Variants in LACC1 observed in about 807,000 individuals in gnomAD.
The protein encoded by LACC1 is purine nucleoside phosphorylase LACC1.
In LACC1, 25 loss-of-function variants were observed where a neutral mutation model predicts 34.8. The observed-to-expected ratio is 0.72, with a 90% CI of 0.52 to 1.00. LACC1 has a LOEUF of 1.00. Among genes scored for constraint, LACC1 ranks in the 50% least tolerant of loss-of-function variants. LACC1 has a pLI of 0.00. For synonymous variants in LACC1, 162 were observed against 168.0 expected (o/e 0.96, Z 0.28); for missense variants, 426 against 511.2 (o/e 0.83, Z 1.61).
At chr13:43,880,432 G>T (rs1174093268) in intron 1 of LACC1, among the ~76,000 whole-genome samples, 1 of 152,188 alleles carries the variant, frequency 6.6e-6, no homozygotes, top group African/African-American at 2.4e-5. Context: ...TAGCTTTTGT[G>T]GTCATTGCTA....
At chr13:43,886,061 T>C (rs1373428053) in intron 4 of LACC1, among the ~76,000 whole-genome samples, 2 of 152,116 alleles carry the variant, frequency 1.3e-5, no homozygotes, top group African/African-American at 4.8e-5. Flanking sequence ...GAGATACCAT[T>C]TCATACCAGT....
At position 43,883,951 on chromosome 13, in the gene LACC1, T is replaced by C. The variant is rs201759237; in HGVS notation, c.907+15T>C. 1 of 1,588,952 alleles carries C rather than the reference T, an allele frequency of 6.3e-7. No homozygotes were observed. Among genetic ancestry groups the C allele is most frequent in the South Asian group, 1.1e-5 (1 of 87,296 alleles). On this transcript the variant is annotated intron_variant, in intron 4 of 6. Coordinates refer to ENST00000325686, the MANE Select transcript of LACC1 (RefSeq NM_153218.4). ...TGCTCACGCTGGTAAGTATACTTAA[T>C]TAAACATTTAGAATTTTACTCATTT...
upstream of LACC1, chr13:43,879,788 C>CGAGGCGGGGT (rs1222062321): frequency 9.6e-6 from 1 of 104,244 alleles, no homozygotes; most frequent in African/African-American, 3.4e-5. Flanking sequence ...TGAGGCGGGG[C>CGAGGCGGGGT]GAGGCGGGGC....
At chr13:43,883,125 A>G (rs1281648064) in intron 3 of LACC1, among the ~76,000 whole-genome samples, 1 of 152,112 alleles carries the variant, frequency 6.6e-6, no homozygotes, top group Non-Finnish European at 1.5e-5. Context: ...TGGGTAATCA[A>G]TTTTTTTCAT....
In LACC1 at chr13:43,893,605, T is replaced by C. The variant is rs1955645548; in HGVS notation, c.*2158T>C. The C allele has an allele frequency of 6.6e-6, 1 of 152,026 alleles. No individual in the cohort carries two copies. Among genetic ancestry groups the C allele is most frequent in the Non-Finnish European group, 1.5e-5 (1 of 67,862 alleles). 9.4% of individuals were successfully genotyped at this position (152,026 alleles called of 1,614,324 possible). A position where few individuals can be genotyped will look rare whatever the true frequency, so the allele number is the denominator to read the frequency against. On this transcript the variant is annotated 3_prime_UTR_variant, in exon 7 of 7. Coordinates refer to ENST00000325686, the MANE Select transcript of LACC1 (RefSeq NM_153218.4). Reference sequence around the variant, plus strand: ...TTTGATATATGTTGTGAGGTTGTGATAACCGATTCTTGTTTAGTTTAATTC... The same window carrying C: ...TTTGATATATGTTGTGAGGTTGTGACAACCGATTCTTGTTTAGTTTAATTC...
chr13:43,887,131 TCTC>T (rs1168864651), intron 4 of LACC1, among the ~76,000 whole-genome samples: 1 of 152,154 alleles, frequency 6.6e-6, no homozygotes, highest in African/African-American at 2.4e-5. Flanking sequence ...CCTAAAGTCT[TCTC>T]TGCCAGTTAG....
rs544653268 is a variant in LACC1, at chr13:43,893,858, A to G, written c.*2411A>G. 1 of 152,256 alleles carries G rather than the reference A, an allele frequency of 6.6e-6. No individual in the cohort carries two copies. The highest frequency in any genetic ancestry group is 1.5e-5 in the Non-Finnish European group (1 of 67,856). 9.4% of individuals were successfully genotyped at this position (152,256 alleles called of 1,614,324 possible). A position where few individuals can be genotyped will look rare whatever the true frequency, so the allele number is the denominator to read the frequency against. ...TTTTGTTTGAAGTTGGTAAATTTGG[A>G]GTATCCTGCAGACACATTTTGCTTT... is the stretch of plus-strand genomic sequence containing the variant. On this transcript the variant is annotated 3_prime_UTR_variant, in exon 7 of 7. Transcript: ENST00000325686.
intron 6 of LACC1, among the ~76,000 whole-genome samples, chr13:43,891,139 A>G (rs1368243113): frequency 1.3e-5 from 2 of 152,194 alleles, no homozygotes; most frequent in South Asian, 2.1e-4. Flanking sequence ...TATAGGCTAT[A>G]GTACACTGAC....
intron 6 of LACC1, among the ~76,000 whole-genome samples, chr13:43,890,995 T>C (rs1362158558): frequency 6.6e-6 from 1 of 152,226 alleles, no homozygotes; most frequent in Non-Finnish European, 1.5e-5. Flanking sequence ...ACAGTGGCCC[T>C]GCTCCTGTAG....
At chr13:43,883,750 G>T (rs200708731) in intron 3 of LACC1, 21 bp from the exon 4 acceptor site, 8 of 1,569,674 alleles carry the variant, frequency 5.1e-6, no homozygotes, top group Admixed American at 1.8e-5. Context: ...AAACATTTTT[G>T]TTGCACATTT....
At position 43,881,063 on chromosome 13, in the gene LACC1, G is replaced by A; in HGVS notation, c.78G>A (p.Lys26=). 1 of 1,614,134 alleles carries A rather than the reference G, an allele frequency of 6.2e-7. No homozygotes were observed. The highest frequency in any genetic ancestry group is 8.5e-7 in the Non-Finnish European group (1 of 1,180,014). The change falls in exon 2 of 7, where the codon AAG becomes AAA. Residue 26 remains lysine (K), a synonymous_variant. Coordinates refer to ENST00000325686, the MANE Select transcript of LACC1 (RefSeq NM_153218.4). ...AAAACTGCCATCAGACATTACTGAAGACTTTGAATGCTGTCCAATACCACC... is the reference window on the plus strand; with the variant it reads ...AAAACTGCCATCAGACATTACTGAAAACTTTGAATGCTGTCCAATACCACC... The part of the protein sequence containing the change: ...SQKNCHQTLL[K]TLNAVQYHHA...
chr13:43,886,890 T>C (rs1297446201), intron 4 of LACC1, among the ~76,000 whole-genome samples: 1 of 152,134 alleles, frequency 6.6e-6, no homozygotes, highest in African/African-American at 2.4e-5. Flanking sequence ...TAGATATGTA[T>C]ATATAGATAG....
rs372314228 is a variant in LACC1 at position 43,882,414 on chromosome 13, G to A, written c.741+51G>A. On this transcript the variant is annotated intron_variant, in intron 3 of 6. Coordinates refer to ENST00000325686, the MANE Select transcript of LACC1 (RefSeq NM_153218.4). ...AGATCTAAAGTATATTTTTTACTTT[G>A]CTAGTAACTACATGGACTTTAAGCT... 17 of 1,377,444 alleles carry A rather than the reference G, an allele frequency of 1.2e-5. No individual in the cohort carries two copies. The African/African-American group carries it at 1.8e-4, about 14-fold the overall frequency. The allele number at this position is 1,377,444 out of a possible 1,614,324, so 85.3% of individuals were successfully genotyped here.
intron 3 of LACC1, 29 bp downstream of exon 3, chr13:43,882,392 T>C (rs1955111022): frequency 1.3e-6 from 2 of 1,557,464 alleles, no homozygotes; most frequent in Non-Finnish European, 8.7e-7. Context: ...TTTTGAAAGA[T>C]CTAAAGTATA....
At chr13:43,880,641 A>G (rs1196291142) in intron 1 of LACC1, among the ~76,000 whole-genome samples, 9 of 152,240 alleles carry the variant, frequency 5.9e-5, no homozygotes, top group Admixed American at 5.9e-4. Context: ...CAATTTAAAA[A>G]CAGGACTTTG....
At chr13:43,889,085 G>A (rs2138357559) in intron 5 of LACC1, 103 bp downstream of exon 5, 1 of 904,746 alleles carries the variant, frequency 1.1e-6, no homozygotes, top group Non-Finnish European at 1.8e-6. Flanking sequence ...AATTTAGGTG[G>A]TGGTTATTTA....
Position 43,881,287 on chromosome 13 carries a change from G to A in LACC1, c.302G>A (p.Ser101Asn). The part of the protein sequence containing the change: ...IKQKIDEKNL[S>N]SIKVIVPRHR... ...CAGAAAATTGATGAAAAAAATCTGA[G>A]CAGCATTAAGGTAATTGTACCCAGG... is the stretch of plus-strand genomic sequence containing the variant. Residue 101 changes from serine to asparagine, a missense_variant, in exon 2 of 7, where the codon AGC (serine) becomes AAC (asparagine). Ser to Asn is a conservative substitution (Grantham distance 46, BLOSUM62 1). Coordinates refer to ENST00000325686, the MANE Select transcript of LACC1 (RefSeq NM_153218.4). 1 of 1,614,140 alleles carries A rather than the reference G, an allele frequency of 6.2e-7. No homozygotes were observed. Among genetic ancestry groups the A allele is most frequent in the African/African-American group, 1.3e-5 (1 of 75,034 alleles).
intron 4 of LACC1, among the ~76,000 whole-genome samples, chr13:43,884,489 A>G (rs1955223733): frequency 2.0e-5 from 3 of 152,228 alleles, no homozygotes; most frequent in African/African-American, 7.2e-5. Flanking sequence ...CTGCATGTGT[A>G]AAGCTAGGGA....
At chr13:43,880,452 T>A (rs1954951023) in intron 1 of LACC1, among the ~76,000 whole-genome samples, 1 of 152,300 alleles carries the variant, frequency 6.6e-6, no homozygotes, top group South Asian at 2.1e-4. Context: ...AAGTGTGGAG[T>A]ACTGCGCAAA....
Sources: gnomAD v4.1 joint callset for allele counts (sites outside exome capture counted in the v4.1 genomes callset) on GRCh38, gnomAD v4.1.1 for gene constraint, MANE v1.5 for transcripts, NCBI Gene and HGNC (gene_info 2026-07-23, HGNC 2026-07-21) for gene names.